The following NTM variants were observed in gnomAD, a reference collection of about 807,000 sequenced individuals.
The protein encoded by NTM is IgLON family member 2.
In NTM, 13 loss-of-function variants were observed where a neutral mutation model predicts 42.1. That is an observed-to-expected ratio of 0.31 (90% CI 0.20 to 0.49). NTM has a LOEUF of 0.49. Among genes scored for constraint, NTM ranks in the 20% least tolerant of loss-of-function variants. NTM has a pLI of 0.99. For missense variants in NTM, 373 were observed against 452.8 expected (o/e 0.82, Z 1.60); for synonymous variants, 187 against 179.2 (o/e 1.04, Z -0.35).
At chr11:132,228,184 C>T (rs867050448) in intron 4 of NTM, among the ~76,000 whole-genome samples, 4 of 152,264 alleles carry the variant, frequency 2.6e-5, no homozygotes, top group Middle Eastern at 3.4e-3. Context: ...AAACACTGCC[C>T]AAGTCGTATC....
chr11:132,151,011 T>G (rs751605344), intron 3 of NTM, among the ~76,000 whole-genome samples: 1 of 152,184 alleles, frequency 6.6e-6, no homozygotes, highest in Non-Finnish European at 1.5e-5. Context: ...TAGGGGAGAT[T>G]CATCTAAAAT....
At chr11:132,236,066 A>G (rs1260615237) in intron 4 of NTM, among the ~76,000 whole-genome samples, 4 of 152,188 alleles carry the variant, frequency 2.6e-5, no homozygotes, top group African/African-American at 9.6e-5. Context: ...TTTGAGCCAA[A>G]TGGCTGTTTG....
chr11:132,230,354 ATCTATAT>A (rs773390164), intron 4 of NTM, among the ~76,000 whole-genome samples: 57 of 152,240 alleles, frequency 3.7e-4, no homozygotes, highest in Non-Finnish European at 7.5e-4. Context: ...TCATATTATT[ATCTATAT>A]TCAAAAAATA....
intron 1 of NTM, among the ~76,000 whole-genome samples, chr11:131,438,319 T>G (rs1461665357): frequency 1.3e-5 from 2 of 152,174 alleles, no homozygotes; most frequent in African/African-American, 4.8e-5. Context: ...TGAATTTGAA[T>G]GTTGGCCTGC....
intron 1 of NTM, among the ~76,000 whole-genome samples, chr11:131,809,253 A>G (rs1314918863): frequency 6.6e-6 from 1 of 152,242 alleles, no homozygotes; most frequent in East Asian, 1.9e-4. Context: ...CCATGCAATA[A>G]CAGTGCTGAT....
chr11:131,853,475 T>C (rs940740195), intron 1 of NTM, among the ~76,000 whole-genome samples: 11 of 152,186 alleles, frequency 7.2e-5, no homozygotes, highest in African/African-American at 2.4e-4. Context: ...CTCCCACTTA[T>C]AAGTGAGAGC....
intron 1 of NTM, among the ~76,000 whole-genome samples, chr11:131,601,754 GAA>G (rs751034069): frequency 1.3e-5 from 2 of 152,190 alleles, no homozygotes; most frequent in East Asian, 3.9e-4. Flanking sequence ...GGATGAGAGA[GAA>G]TGGCTTTTCT....
chr11:131,686,635 G>A (rs978631170), intron 1 of NTM, among the ~76,000 whole-genome samples: 18 of 152,138 alleles, frequency 1.2e-4, no homozygotes, highest in Admixed American at 5.9e-4. Context: ...GTGGATCCAC[G>A]TATAAGTGGA....
At chr11:132,132,821 A>G (rs1354764160) in intron 2 of NTM, among the ~76,000 whole-genome samples, 3 of 152,222 alleles carry the variant, frequency 2.0e-5, no homozygotes, top group East Asian at 3.9e-4. Flanking sequence ...GCTACTAGGC[A>G]TGGTTGCTGC....
At chr11:131,707,093 A>C (rs905477589) in intron 1 of NTM, among the ~76,000 whole-genome samples, 1 of 152,042 alleles carries the variant, frequency 6.6e-6, no homozygotes, top group Admixed American at 6.6e-5. Flanking sequence ...TCTTCTGTGT[A>C]AATGAAATAT....
chr11:131,508,911 G>A (rs2047871910), intron 1 of NTM, among the ~76,000 whole-genome samples: 1 of 148,992 alleles, frequency 6.7e-6, no homozygotes. Flanking sequence ...GGGAGGGATA[G>A]CACTGGGAGA....
At chr11:131,728,071 G>T (rs2079168552) in intron 1 of NTM, among the ~76,000 whole-genome samples, 1 of 152,044 alleles carries the variant, frequency 6.6e-6, no homozygotes, top group South Asian at 2.1e-4. Context: ...CCCTCTTTAG[G>T]TGTTCATTAG....
At chr11:132,155,075 C>T (rs1207990215) in intron 3 of NTM, among the ~76,000 whole-genome samples, 2 of 152,112 alleles carry the variant, frequency 1.3e-5, no homozygotes, top group Non-Finnish European at 2.9e-5. Context: ...GTAGTGCTTT[C>T]TACTGTGATT....
chr11:131,599,568 TC>T (rs1340554254), intron 1 of NTM, among the ~76,000 whole-genome samples: 2 of 152,240 alleles, frequency 1.3e-5, no homozygotes, highest in African/African-American at 4.8e-5. Context: ...TATTTATGTA[TC>T]CATTCATTCA....
Position 131,708,138 on chromosome 11 carries a change from GAATT to G in NTM, c.83-203423_83-203420del, listed in dbSNP as rs989170213. On this transcript the variant is annotated intron_variant, in intron 1 of 8. Transcript: ENST00000683400. The stretch of plus-strand genomic sequence containing the variant: ...ACAGTAAGCTATCTGAAAAATAAAT[GAATT>G]AAGAAAACAATCAATGTGGGTAAAT... Among the ~76,000 whole-genome samples, 178 of 151,952 alleles carry G rather than the reference GAATT, an allele frequency of 1.2e-3. 1 individual carries two copies. The highest frequency in any genetic ancestry group is 4.1e-3 in the African/African-American group (171 of 41,474).
intron 1 of NTM, among the ~76,000 whole-genome samples, chr11:131,428,111 T>C (rs1948325896): frequency 6.6e-6 from 1 of 152,232 alleles, no homozygotes; most frequent in African/African-American, 2.4e-5. Flanking sequence ...GACTTGAATA[T>C]GCAAGAGGCC....
At chr11:131,858,238 G>T (rs1193535258) in intron 1 of NTM, among the ~76,000 whole-genome samples, 7 of 152,026 alleles carry the variant, frequency 4.6e-5, no homozygotes, top group Non-Finnish European at 1.0e-4. Flanking sequence ...GCTTCTGTTA[G>T]TTACTTTGCG....
At chr11:131,650,969 A>C (rs974219931) in intron 1 of NTM, among the ~76,000 whole-genome samples, 1 of 152,160 alleles carries the variant, frequency 6.6e-6, no homozygotes, top group Non-Finnish European at 1.5e-5. Flanking sequence ...CTATTGACCA[A>C]GATTTCTAGT....
At chr11:132,292,231 T>C (rs1483292660) in intron 4 of NTM, among the ~76,000 whole-genome samples, 1 of 152,200 alleles carries the variant, frequency 6.6e-6, no homozygotes, top group African/African-American at 2.4e-5. Context: ...CTGTAAAGTA[T>C]GAATAGAAGT....
Sources: gnomAD v4.1 joint callset for allele counts (sites outside exome capture counted in the v4.1 genomes callset) on GRCh38, gnomAD v4.1.1 for gene constraint, MANE v1.5 for transcripts, NCBI Gene and HGNC (gene_info 2026-07-23, HGNC 2026-07-21) for gene names.